Variants in DMD observed in about 807,000 individuals in gnomAD.
DMD encodes the protein mutant dystrophin.
Under a neutral mutation model 330.1 loss-of-function variants are expected in DMD, and 63 were observed. The observed-to-expected ratio is 0.19, with a 90% confidence interval of 0.16 to 0.24. The LOEUF (loss-of-function observed/expected upper bound fraction) is 0.24. Among genes scored for constraint, DMD ranks in the 10% least tolerant of loss-of-function variants. DMD has a pLI of 1.00. For missense variants in DMD, 3,344 were observed against 2,684.1 expected (o/e 1.25, Z -5.43); for synonymous variants, 1,223 against 959.8 (o/e 1.27, Z -5.07).
chrX:33,025,083 A>G (rs1425462800), intron 1 of DMD, among the ~76,000 whole-genome samples: 2 of 112,331 alleles, frequency 1.8e-5, no homozygotes, highest in Admixed American at 1.9e-4. Context: ...TTGCATAAAC[A>G]AAAATATATA....
chrX:32,835,412 G>C (rs990819266), intron 4 of DMD, among the ~76,000 whole-genome samples: 2 of 112,651 alleles, frequency 1.8e-5, no homozygotes, highest in Non-Finnish European at 3.8e-5. Flanking sequence ...TCAGGATTTT[G>C]TATTTTGTTC....
intron 2 of DMD, among the ~76,000 whole-genome samples, chrX:32,967,046 C>T (rs1057156059): frequency 9.0e-6 from 1 of 111,599 alleles, no homozygotes; most frequent in Non-Finnish European, 1.9e-5. Flanking sequence ...CTTGGCTGGG[C>T]AGGATATGTA....
At chrX:31,617,534 CAAAAAAAAAA>C (rs749572753) in intron 55 of DMD, among the ~76,000 whole-genome samples, 4,891 of 31,999 alleles carry the variant, frequency 0.15, 164 homozygotes, top group South Asian at 0.3. Flanking sequence ...GACTTCGTCT[CAAAAAAAAAA>C]AAAAAAAAAA....
At chrX:31,969,124 G>A (rs921134149) in intron 44 of DMD, among the ~76,000 whole-genome samples, 53 of 111,475 alleles carry the variant, frequency 4.8e-4, no homozygotes, top group African/African-American at 1.7e-3. Flanking sequence ...ATATCCCTAA[G>A]CTACAGTAAT....
At chrX:31,202,806 G>A (rs886148449) in intron 67 of DMD, among the ~76,000 whole-genome samples, 12 of 111,990 alleles carry the variant, frequency 1.1e-4, no homozygotes, top group South Asian at 3.7e-4. Flanking sequence ...ATGTGATACC[G>A]AAAGCATCTT....
rs1833292309 is a variant in DMD, at chrX:31,485,608, A to T, written c.8548-6505T>A. Among the ~76,000 whole-genome samples the T allele has an allele frequency of 3.6e-5, 4 of 111,578 alleles. No homozygotes were observed. In the Admixed American group the frequency reaches 3.8e-4, roughly 11 times the overall value. On this transcript the variant is annotated intron_variant, in intron 57 of 78. Coordinates refer to ENST00000357033, the MANE Select transcript of DMD (RefSeq NM_004006.3). ...ACGTATGGAGGGGATGAAAGGTGAGATATTGATTTGCTTCATGAGAGGAAC... is the reference window on the plus strand; with the variant it reads ...ACGTATGGAGGGGATGAAAGGTGAGTTATTGATTTGCTTCATGAGAGGAAC...
At chrX:32,188,716 T>C (rs1412245297) in intron 44 of DMD, among the ~76,000 whole-genome samples, 1 of 109,262 alleles carries the variant, frequency 9.2e-6, no homozygotes, top group Non-Finnish European at 1.9e-5. Flanking sequence ...ATTAATAAAA[T>C]TGTTTCCAAT....
At chrX:32,881,763 C>G (rs2083968092) in intron 2 of DMD, among the ~76,000 whole-genome samples, 1 of 111,886 alleles carries the variant, frequency 8.9e-6, no homozygotes, top group South Asian at 3.8e-4. Context: ...AGCACTCATG[C>G]TGGTTAGAGA....
At chrX:32,355,525 T>C (rs1349883197) in intron 37 of DMD, among the ~76,000 whole-genome samples, 1 of 111,997 alleles carries the variant, frequency 8.9e-6, no homozygotes, top group Non-Finnish European at 1.9e-5. Flanking sequence ...CAGATAGTTT[T>C]ATCAAATGAC....
chrX:31,855,678 C>T (rs1176438673), intron 48 of DMD, among the ~76,000 whole-genome samples: 1 of 110,819 alleles, frequency 9.0e-6, no homozygotes, highest in African/African-American at 3.3e-5. Flanking sequence ...GCTACCATAA[C>T]TAATAAACTC....
Position 32,271,296 on chromosome X carries a change from G to T in DMD, c.6290+16233C>A, listed in dbSNP as rs749679410. On this transcript the variant is annotated intron_variant, in intron 43 of 78. Coordinates refer to ENST00000357033, the MANE Select transcript of DMD (RefSeq NM_004006.3). The stretch of plus-strand genomic sequence containing the variant: ...AACATATAAATTACTCAAAGGCTAA[G>T]AATTTTCAAATGTGCATCTAAATTG... 5.3e-5 allele frequency among the ~76,000 whole-genome samples: 6 copies of T among 112,312 alleles called. No homozygotes were observed. The Admixed American group carries it at 5.7e-4, about 11-fold the overall frequency.
At chrX:31,956,654 A>G (rs1235717337) in intron 45 of DMD, among the ~76,000 whole-genome samples, 1 of 112,362 alleles carries the variant, frequency 8.9e-6, no homozygotes, top group Admixed American at 9.4e-5. Flanking sequence ...ACTACAAGAA[A>G]TCATTGTTGT....
rs1482773684 is a variant in DMD, at chrX:32,252,835, T to C, written c.6290+34694A>G. Among the ~76,000 whole-genome samples the C allele has an allele frequency of 8.9e-5, 5 of 56,119 alleles. 2 individuals are homozygous for C. The highest frequency in any genetic ancestry group is 4.1e-4 in the African/African-American group (5 of 12,102). 48.7% of individuals were successfully genotyped at this position (56,119 alleles called of 115,157 possible). ...ATATAAGTATATAAATATATATAAA[T>C]ATATATAAATATATAAATATATATA... On this transcript the variant is annotated intron_variant, in intron 43 of 78. Transcript: ENST00000357033.
At chrX:32,143,654 T>C (rs768621668) in intron 44 of DMD, among the ~76,000 whole-genome samples, 1 of 109,195 alleles carries the variant, frequency 9.2e-6, no homozygotes, top group East Asian at 2.9e-4. Context: ...GCCATTCTCC[T>C]GCCTTAACCT....
At chrX:32,828,362 A>G (rs181399718) in intron 4 of DMD, among the ~76,000 whole-genome samples, 4 of 110,415 alleles carry the variant, frequency 3.6e-5, no homozygotes, top group Admixed American at 2.9e-4. Flanking sequence ...CACCTGGCCA[A>G]TATCTTATGC....
chrX:31,702,165 T>G (rs894860212), intron 52 of DMD, among the ~76,000 whole-genome samples: 12 of 112,258 alleles, frequency 1.1e-4, no homozygotes, highest in Non-Finnish European at 2.1e-4. Flanking sequence ...CTTAGGCCCA[T>G]TCCTTAAATG....
intron 44 of DMD, among the ~76,000 whole-genome samples, chrX:32,215,348 A>G (rs1305530104): frequency 9.0e-6 from 1 of 111,264 alleles, no homozygotes; most frequent in Non-Finnish European, 1.9e-5. Flanking sequence ...CAAGAGCTTA[A>G]CTGACTTCAA....
chrX:32,428,394 C>G (rs2098222016), intron 29 of DMD, among the ~76,000 whole-genome samples: 1 of 111,248 alleles, frequency 9.0e-6, no homozygotes, highest in South Asian at 3.7e-4. Context: ...CCATGTACTT[C>G]AGATGAAATT....
intron 44 of DMD, among the ~76,000 whole-genome samples, chrX:32,140,433 C>T (rs1485567573): frequency 8.9e-6 from 1 of 111,982 alleles, no homozygotes; most frequent in Non-Finnish European, 1.9e-5. Flanking sequence ...ATTTAACTTT[C>T]AAAATTAAAA....
Sources: allele counts gnomAD v4.1 joint callset (sites outside exome capture counted in the v4.1 genomes callset), GRCh38; gene constraint gnomAD v4.1.1; transcripts MANE v1.5; gene names NCBI Gene and HGNC (gene_info 2026-07-23, HGNC 2026-07-21).